NR3C1: variants seen among roughly 807,000 people sequenced by gnomAD.
NR3C1 encodes glucocorticoid receptor.
In NR3C1, 14 loss-of-function variants were observed where a neutral mutation model predicts 74.0. The ratio of observed to expected loss-of-function variants is 0.19; its 90% confidence interval spans 0.12 to 0.30. NR3C1 has a LOEUF of 0.30. Ranked by LOEUF, NR3C1 falls within the 10% of genes least tolerant of loss-of-function variation. NR3C1 has a pLI of 1.00. For synonymous variants in NR3C1, 308 were observed against 332.5 expected, an observed-to-expected ratio of 0.93 and a Z score of 0.80; for missense variants, 695 against 909.8, an observed-to-expected ratio of 0.76 and a Z score of 3.04.
At chr5:143,379,271 T>C (rs1835763338) in intron 2 of NR3C1, among the ~76,000 whole-genome samples, 1 of 152,248 alleles carries the variant, frequency 6.6e-6, no homozygotes, top group Non-Finnish European at 1.5e-5. Context: ...TAGCCCTTTC[T>C]TTAAAATACA....
At chr5:143,358,194 A>G (rs186527963) in intron 2 of NR3C1, among the ~76,000 whole-genome samples, 20 of 152,308 alleles carry the variant, frequency 1.3e-4, no homozygotes, top group Admixed American at 1.3e-3. Context: ...AACATTTACT[A>G]TATACAGAAC....
chr5:143,291,088 C>A (rs1016838325), intron 7 of NR3C1, among the ~76,000 whole-genome samples: 1 of 152,082 alleles, frequency 6.6e-6, no homozygotes, highest in Non-Finnish European at 1.5e-5. Context: ...ATCCTTGAAA[C>A]TTACTTTAGT....
intron 1 of NR3C1, among the ~76,000 whole-genome samples, chr5:143,411,822 G>A (rs911510230): frequency 1.3e-4 from 20 of 152,012 alleles, no homozygotes; most frequent in Non-Finnish European, 1.9e-4. Flanking sequence ...TGAAAAGCTC[G>A]TTCTGCTTGC....
intron 3 of NR3C1, among the ~76,000 whole-genome samples, chr5:143,312,894 C>T (rs1167024866): frequency 1.3e-5 from 2 of 152,206 alleles, no homozygotes; most frequent in South Asian, 2.1e-4. Context: ...CAGGGCTGGG[C>T]TTTACTTTTG....
At chr5:143,327,087 T>C (rs1052196910) in intron 2 of NR3C1, among the ~76,000 whole-genome samples, 2 of 152,188 alleles carry the variant, frequency 1.3e-5, no homozygotes, top group Non-Finnish European at 2.9e-5. Context: ...GCTATAAAGA[T>C]ACTATCTGAG....
chr5:143,326,883 A>C (rs1824721120), intron 2 of NR3C1, among the ~76,000 whole-genome samples: 1 of 152,230 alleles, frequency 6.6e-6, no homozygotes, highest in South Asian at 2.1e-4. Context: ...ATAGGCATAA[A>C]TTAACATGTC....
intron 2 of NR3C1, among the ~76,000 whole-genome samples, chr5:143,331,434 A>G (rs1825912523): frequency 6.6e-6 from 1 of 152,218 alleles, no homozygotes; most frequent in South Asian, 2.1e-4. Context: ...ATCACTGGGT[A>G]TATACCCAGA....
At chr5:143,424,063 G>GGGGTGCA (rs1206836329) in intron 1 of NR3C1, among the ~76,000 whole-genome samples, 1 of 139,652 alleles carries the variant, frequency 7.2e-6, no homozygotes, top group East Asian at 2.5e-4. Context: ...GGACTGTTGT[G>GGGGTGCA]GGGTGTGGGG....
intron 2 of NR3C1, among the ~76,000 whole-genome samples, chr5:143,350,166 G>A (rs1489096409): frequency 6.6e-6 from 1 of 152,114 alleles, no homozygotes; most frequent in Non-Finnish European, 1.5e-5. Flanking sequence ...GAACCCTAGG[G>A]TGTTCTAAAG....
At chr5:143,290,028 ATAG>A (rs940070352) in intron 7 of NR3C1, among the ~76,000 whole-genome samples, 4 of 152,230 alleles carry the variant, frequency 2.6e-5, no homozygotes, top group Non-Finnish European at 5.9e-5. Flanking sequence ...TAAGAAAGGT[ATAG>A]TAAAATCTCA....
chr5:143,329,709 TAAC>T (rs2151692553), intron 2 of NR3C1, among the ~76,000 whole-genome samples: 1 of 152,264 alleles, frequency 6.6e-6, no homozygotes, highest in Non-Finnish European at 1.5e-5. Flanking sequence ...ATACCCAAAG[TAAC>T]AGGTATCATA....
At chr5:143,307,521 A>T (rs904334424) in intron 4 of NR3C1, among the ~76,000 whole-genome samples, 1 of 152,236 alleles carries the variant, frequency 6.6e-6, no homozygotes, top group Non-Finnish European at 1.5e-5. Flanking sequence ...AACTCCAAAG[A>T]TCTTAAACTT....
chr5:143,303,235 G>A (rs1348424357), intron 4 of NR3C1, among the ~76,000 whole-genome samples: 2 of 124,694 alleles, frequency 1.6e-5, no homozygotes, highest in East Asian at 4.7e-4. Context: ...TTATGTGTGT[G>A]TGTATGTGGG....
intron 2 of NR3C1, among the ~76,000 whole-genome samples, chr5:143,360,901 C>T (rs972641559): frequency 2.0e-5 from 3 of 152,062 alleles, no homozygotes; most frequent in African/African-American, 4.8e-5. Flanking sequence ...CTGCAGGGTA[C>T]CAGGTTTTAT....
chr5:143,390,419 T>C (rs1478866177), intron 2 of NR3C1, among the ~76,000 whole-genome samples: 1 of 152,138 alleles, frequency 6.6e-6, no homozygotes, highest in Non-Finnish European at 1.5e-5. Context: ...ATTAAACTGT[T>C]TGGGAGACTG....
chr5:143,410,127 G>GT (rs1417605431), intron 1 of NR3C1, among the ~76,000 whole-genome samples: 8 of 152,174 alleles, frequency 5.3e-5, no homozygotes, highest in Non-Finnish European at 7.4e-5. Context: ...TACGTACTTT[G>GT]TTTTTTCATT....
chr5:143,381,253 A>G (rs977805637), intron 2 of NR3C1, among the ~76,000 whole-genome samples: 21 of 152,164 alleles, frequency 1.4e-4, no homozygotes, highest in African/African-American at 3.9e-4. Flanking sequence ...AGAGCTCTAC[A>G]ATGAAAACAA....
At chr5:143,295,426 CT>C in intron 7 of NR3C1, 33 bp downstream of exon 7, 1 of 1,608,480 alleles carries the variant, frequency 6.2e-7, no homozygotes, top group Non-Finnish European at 8.5e-7. Context: ...ATATTTCATG[CT>C]TTTGACATAA....
At chr5:143,343,882 T>C (rs1245179116) in intron 2 of NR3C1, among the ~76,000 whole-genome samples, 1 of 152,216 alleles carries the variant, frequency 6.6e-6, no homozygotes, top group African/African-American at 2.4e-5. Flanking sequence ...TTATAGAGAT[T>C]AAATAAACCA....
Sources: gnomAD v4.1 joint callset for allele counts (sites outside exome capture counted in the v4.1 genomes callset) on GRCh38, gnomAD v4.1.1 for gene constraint, MANE v1.5 for transcripts, NCBI Gene and HGNC (gene_info 2026-07-23, HGNC 2026-07-21) for gene names.